The following FER variants were observed in gnomAD, a reference collection of about 807,000 sequenced individuals.
FER encodes FER tyrosine kinase.
A neutral mutation model predicts 111.0 loss-of-function variants in FER; 63 were observed. The ratio of observed to expected loss-of-function variants is 0.57; its 90% confidence interval spans 0.46 to 0.70. The LOEUF (loss-of-function observed/expected upper bound fraction) is 0.70. Ranked by LOEUF, FER falls within the 30% of genes least tolerant of loss-of-function variation. FER has a pLI of 0.00. For missense variants in FER, 914 were observed against 954.0 expected (o/e 0.96, Z 0.55); for synonymous variants, 327 against 313.9 (o/e 1.04, Z -0.44).
At chr5:108,785,145 A>G in intron 2 of FER, 1 of 596,516 alleles carries the variant, frequency 1.7e-6, no homozygotes, top group Non-Finnish European at 2.9e-6. Flanking sequence ...AATCTGGCTA[A>G]CTGCAAGCTG....
chr5:108,870,875 G>C (rs1764534685), intron 6 of FER, among the ~76,000 whole-genome samples: 1 of 152,042 alleles, frequency 6.6e-6, no homozygotes, highest in Admixed American at 6.6e-5. Context: ...AAGAAATTTA[G>C]ATGTCATTCA....
intron 5 of FER, among the ~76,000 whole-genome samples, chr5:108,857,733 T>A (rs1479044113): frequency 6.6e-6 from 1 of 152,150 alleles, no homozygotes; most frequent in East Asian, 1.9e-4. Context: ...TTTTTTAAAT[T>A]TATGTATTAA....
intron 7 of FER, among the ~76,000 whole-genome samples, chr5:108,871,717 TAATCCATATTTAATCCATGCTTA>T (rs1481177129): frequency 7.2e-5 from 11 of 152,164 alleles, no homozygotes; most frequent in African/African-American, 2.4e-4. Context: ...TGTTAGTTGT[TAATCCATATTTAATCCATGCTTA>T]AATCCATATT....
chr5:109,027,831 A>G (rs1224800468), intron 13 of FER, among the ~76,000 whole-genome samples: 5 of 152,192 alleles, frequency 3.3e-5, no homozygotes, highest in Admixed American at 3.3e-4. Flanking sequence ...TTGTGAGGCA[A>G]AATTCTAAGA....
chr5:108,959,453 A>G (rs560166049), intron 13 of FER, 106 bp downstream of exon 13: 1 of 1,153,942 alleles, frequency 8.7e-7, no homozygotes, highest in African/African-American at 1.7e-5. Context: ...AGTAGTTCAG[A>G]AAAAAAGTTT....
chr5:108,892,036 G>A (rs1342467337), intron 9 of FER, among the ~76,000 whole-genome samples: 1 of 152,114 alleles, frequency 6.6e-6, no homozygotes, highest in Admixed American at 6.5e-5. Context: ...TGGTGTATAT[G>A]TGCCACATTT....
chr5:108,928,533 T>C (rs1286907206), intron 10 of FER, among the ~76,000 whole-genome samples: 1 of 152,208 alleles, frequency 6.6e-6, no homozygotes, highest in East Asian at 1.9e-4. Flanking sequence ...TTAATGGCTA[T>C]TAAATATATT....
At chr5:108,887,015 A>G (rs1747276987) in intron 9 of FER, among the ~76,000 whole-genome samples, 1 of 151,700 alleles carries the variant, frequency 6.6e-6, no homozygotes, top group Non-Finnish European at 1.5e-5. Context: ...ATATAACTAC[A>G]CATGTATGTT....
intron 8 of FER, among the ~76,000 whole-genome samples, chr5:108,883,133 A>G (rs1032883756): frequency 6.6e-6 from 1 of 151,948 alleles, no homozygotes; most frequent in Non-Finnish European, 1.5e-5. Flanking sequence ...AAGACTCTAG[A>G]CCAGTATTGC....
In FER at chr5:109,187,647, C is replaced by T; in HGVS notation, c.*72C>T. 1.9e-6 allele frequency: 3 copies of T among 1,547,928 alleles called. No individual in the cohort carries two copies. Among genetic ancestry groups the T allele is most frequent in the Non-Finnish European group, 2.7e-6 (3 of 1,132,016 alleles). Reference sequence around the variant, plus strand: ...AGAGTAACATTATTGTTCTCATTAACAATGAATTTATACCACATTACCTTC... The same window carrying T: ...AGAGTAACATTATTGTTCTCATTAATAATGAATTTATACCACATTACCTTC... On this transcript the variant is annotated 3_prime_UTR_variant, in exon 20 of 20. Coordinates refer to ENST00000281092, the MANE Select transcript of FER (RefSeq NM_005246.4).
chr5:109,050,383 CTGTA>C (rs1380112880), intron 16 of FER, among the ~76,000 whole-genome samples: 7 of 152,184 alleles, frequency 4.6e-5, no homozygotes, highest in African/African-American at 1.2e-4. Flanking sequence ...AATTTGAACA[CTGTA>C]TGTGCATTAT....
chr5:108,785,639 AGT>A, intron 2 of FER: 3 of 356,468 alleles, frequency 8.4e-6, no homozygotes, highest in Non-Finnish European at 1.6e-5. Flanking sequence ...GGTGAAGGAG[AGT>A]GTTTCCCCTG....
chr5:108,755,775 A>G (rs1272423507), intron 1 of FER, among the ~76,000 whole-genome samples: 2 of 150,990 alleles, frequency 1.3e-5, no homozygotes, highest in African/African-American at 2.4e-5. Flanking sequence ...CATGAGCCAC[A>G]GTGGCTGGCT....
At chr5:109,067,533 TA>T (rs1296151613) in intron 16 of FER, among the ~76,000 whole-genome samples, 1 of 152,232 alleles carries the variant, frequency 6.6e-6, no homozygotes, top group African/African-American at 2.4e-5. Flanking sequence ...CTGCCCTCTT[TA>T]TTTTTTTTAA....
chr5:108,810,290 C>T (rs1757620459), intron 3 of FER, among the ~76,000 whole-genome samples: 1 of 152,126 alleles, frequency 6.6e-6, no homozygotes, highest in Admixed American at 6.5e-5. Flanking sequence ...GCTAACACAG[C>T]TGGGTGTGTA....
At chr5:108,770,976 ACCCAGGCT>A (rs969159506) in intron 2 of FER, among the ~76,000 whole-genome samples, 1 of 150,492 alleles carries the variant, frequency 6.6e-6, no homozygotes, top group Admixed American at 6.6e-5. Context: ...TCACTCTGTC[ACCCAGGCT>A]GGAGTGCAGT....
At chr5:109,134,890 A>T (rs555136302) in intron 17 of FER, among the ~76,000 whole-genome samples, 1 of 152,222 alleles carries the variant, frequency 6.6e-6, no homozygotes, top group African/African-American at 2.4e-5. Flanking sequence ...TCTTTGTCCA[A>T]ATGAGTAGTA....
chr5:108,755,468 T>C (rs1323196263), intron 1 of FER, among the ~76,000 whole-genome samples: 1 of 152,154 alleles, frequency 6.6e-6, no homozygotes, highest in East Asian at 1.9e-4. Flanking sequence ...TTGACTCTTC[T>C]AGCAGTGTTC....
chr5:109,153,591 C>A (rs1184690007), intron 17 of FER, among the ~76,000 whole-genome samples: 3 of 151,866 alleles, frequency 2.0e-5, no homozygotes, highest in Non-Finnish European at 4.4e-5. Flanking sequence ...AATACTAACT[C>A]TATCATTTAT....
Sources: allele counts gnomAD v4.1 joint callset (sites outside exome capture counted in the v4.1 genomes callset), GRCh38; gene constraint gnomAD v4.1.1; transcripts MANE v1.5; gene names NCBI Gene and HGNC (gene_info 2026-07-23, HGNC 2026-07-21).